RSBN1L: variants seen among roughly 807,000 people sequenced by gnomAD.
The protein encoded by RSBN1L is round spermatid basic protein 1 like.
RSBN1L carries 30 observed loss-of-function variants against 67.7 expected under a neutral mutation model. The ratio of observed to expected loss-of-function variants is 0.44; its 90% CI spans 0.33 to 0.60. RSBN1L has a LOEUF of 0.60. RSBN1L is among the 20% of genes least tolerant of loss of function. The probability of loss-of-function intolerance (pLI) is 0.02; values close to 1 mark genes in which losing one functional copy is unlikely to be tolerated. For missense variants in RSBN1L, 992 were observed against 1,031.7 expected (o/e 0.96, Z 0.53); for synonymous variants, 433 against 387.0 (o/e 1.12, Z -1.39).
At position 77,773,172 on chromosome 7, in the gene RSBN1L, C is replaced by G; in HGVS notation, c.1651C>G (p.Gln551Glu). The change falls in exon 6 of 8, where the codon CAG (glutamine) becomes GAG (glutamate). Residue 551 changes from glutamine (Q) to glutamate (E), a missense_variant. Coordinates refer to ENST00000334955, the MANE Select transcript of RSBN1L (RefSeq NM_198467.3). Reference sequence around the variant, plus strand: ...AACTACCAATGAAATAAAAAATCTTCAGTACCTACCTCGAACAAGTGAGCC... The same window carrying G: ...AACTACCAATGAAATAAAAAATCTTGAGTACCTACCTCGAACAAGTGAGCC... ...KRTTNEIKNL[Q>E]YLPRTSEPRE... The G allele has an allele frequency of 6.3e-7, 1 of 1,595,826 alleles. No individual in the cohort carries two copies. The highest frequency in any genetic ancestry group is 8.5e-7 in the Non-Finnish European group (1 of 1,174,164).
chr7:77,769,558 C>G (rs1435875495), intron 5 of RSBN1L, among the ~76,000 whole-genome samples: 1 of 152,136 alleles, frequency 6.6e-6, no homozygotes. Flanking sequence ...CTGGAGGAGA[C>G]CTTCCTAAGC....
chr7:77,760,970 T>G (rs1370362783), intron 3 of RSBN1L, among the ~76,000 whole-genome samples: 1 of 152,230 alleles, frequency 6.6e-6, no homozygotes, highest in Non-Finnish European at 1.5e-5. Context: ...TTTTTCAGGT[T>G]AATTTTTTAA....
intron 1 of RSBN1L, among the ~76,000 whole-genome samples, chr7:77,706,080 G>A (rs867561142): frequency 7.3e-6 from 1 of 136,732 alleles, no homozygotes; most frequent in African/African-American, 2.7e-5. Context: ...TTTATTTAAT[G>A]TTTTTTTTTT....
intron 1 of RSBN1L, among the ~76,000 whole-genome samples, chr7:77,733,989 C>T (rs1169891905): frequency 3.9e-5 from 6 of 152,196 alleles, no homozygotes; most frequent in Non-Finnish European, 5.9e-5. Context: ...TAGCCGAGTG[C>T]GATGGCGTGT....
chr7:77,704,484 A>G (rs2150411622), intron 1 of RSBN1L, among the ~76,000 whole-genome samples: 3 of 152,356 alleles, frequency 2.0e-5, no homozygotes, highest in Middle Eastern at 6.8e-3. Context: ...TTTTAAATTA[A>G]TACAAAAGAA....
At chr7:77,708,451 G>A (rs924529961) in intron 1 of RSBN1L, among the ~76,000 whole-genome samples, 36 of 150,674 alleles carry the variant, frequency 2.4e-4, no homozygotes, top group Admixed American at 5.3e-4. Flanking sequence ...GCATGATCTC[G>A]GCTCACTGCA....
intron 2 of RSBN1L, among the ~76,000 whole-genome samples, chr7:77,744,705 A>G (rs1366708147): frequency 1.3e-5 from 2 of 152,098 alleles, no homozygotes; most frequent in African/African-American, 4.8e-5. Context: ...GGTGTGAGCC[A>G]CTGCGCCTGG....
chr7:77,760,076 T>C (rs1308691840), intron 3 of RSBN1L, among the ~76,000 whole-genome samples: 1 of 152,192 alleles, frequency 6.6e-6, no homozygotes, highest in Non-Finnish European at 1.5e-5. Flanking sequence ...GTTTTCGTAA[T>C]TACATAAGAG....
In RSBN1L at chr7:77,698,378, A is replaced by G. The variant is rs1005774047; in HGVS notation, c.586+1323A>G. Among the ~76,000 whole-genome samples, 7 of 152,248 alleles carry G rather than the reference A, an allele frequency of 4.6e-5. No homozygotes were observed. In the South Asian group the frequency reaches 1.2e-3, roughly 27 times the overall value. Reference sequence around the variant, plus strand: ...TAAAGCTATTTTGTTTTAACAATTTATATGTAAAATTTAGGAGATAAGTGC... The same window carrying G: ...TAAAGCTATTTTGTTTTAACAATTTGTATGTAAAATTTAGGAGATAAGTGC... On this transcript the variant is annotated intron_variant, in intron 1 of 7. Transcript: ENST00000334955.
At chr7:77,759,648 T>A (rs1199139127) in intron 3 of RSBN1L, 1 of 152,210 alleles carries the variant, frequency 6.6e-6, no homozygotes, top group Non-Finnish European at 1.5e-5. Context: ...TTGGCTCTAA[T>A]AATGATCCTG....
chr7:77,721,211 A>G (rs931624410), intron 1 of RSBN1L, among the ~76,000 whole-genome samples: 2 of 148,438 alleles, frequency 1.3e-5, no homozygotes, highest in Non-Finnish European at 3.0e-5. Context: ...GACACTGCTC[A>G]TTGTTGGTAA....
At position 77,778,461 on chromosome 7, in the gene RSBN1L, C is replaced by A; in HGVS notation, c.1902+15C>A. 1 of 1,597,408 alleles carries A rather than the reference C, an allele frequency of 6.3e-7. No individual in the cohort carries two copies. The highest frequency in any genetic ancestry group is 1.1e-5 in the South Asian group (1 of 88,594). ...CACTGTCCCAGGTATTTTTAATACA[C>A]TTACTGTCTTTGGTTTAGTTTTTAT... On this transcript the variant is annotated intron_variant, in intron 7 of 7. Coordinates refer to ENST00000334955, the MANE Select transcript of RSBN1L (RefSeq NM_198467.3).
At chr7:77,701,300 C>T (rs1042551423) in intron 1 of RSBN1L, among the ~76,000 whole-genome samples, 10 of 151,468 alleles carry the variant, frequency 6.6e-5, no homozygotes, top group Non-Finnish European at 1.0e-4. Context: ...AGTTGACATT[C>T]TGGGAATTTC....
At chr7:77,775,744 T>C (rs1383094721) in intron 6 of RSBN1L, among the ~76,000 whole-genome samples, 1 of 152,196 alleles carries the variant, frequency 6.6e-6, no homozygotes, top group African/African-American at 2.4e-5. Context: ...GATGAATTTT[T>C]ATATGTCCAC....
intron 1 of RSBN1L, among the ~76,000 whole-genome samples, chr7:77,698,976 A>G (rs1790777141): frequency 6.6e-6 from 1 of 152,194 alleles, no homozygotes; most frequent in African/African-American, 2.4e-5. Flanking sequence ...TTCTGTTTTA[A>G]CGAATTAAGA....
intron 1 of RSBN1L, among the ~76,000 whole-genome samples, chr7:77,708,120 G>T (rs1355560557): frequency 2.0e-5 from 3 of 152,138 alleles, no homozygotes; most frequent in African/African-American, 7.2e-5. Flanking sequence ...CGTACTTTGC[G>T]TTGTGAGACT....
chr7:77,765,537 A>G lies in RSBN1L; in HGVS notation c.1387A>G (p.Met463Val), dbSNP rs1354364621. 1 of 1,611,252 alleles carries G rather than the reference A, an allele frequency of 6.2e-7. No individual in the cohort carries two copies. Among genetic ancestry groups the G allele is most frequent in the Non-Finnish European group, 8.5e-7 (1 of 1,178,374 alleles). Reference sequence around the variant, plus strand: ...TCATGGTACTTACAGAGCTGGCCCAATGAGACAAATAAGCTTGGTGGGAGC... The same window carrying G: ...TCATGGTACTTACAGAGCTGGCCCAGTGAGACAAATAAGCTTGGTGGGAGC... ...YSHGTYRAGP[M>V]RQISLVGAVD... Residue 463 changes from methionine to valine, a missense_variant, in exon 4 of 8, where the codon ATG becomes GTG. Met to Val is a conservative substitution (Grantham distance 21). Around this residue, in one of 7 missense-constraint regions of RSBN1L, gnomAD observed 2 missense variants for 28.0 expected, o/e 0.07. Transcript: ENST00000334955.
Position 77,750,045 on chromosome 7 carries a change from T to C in RSBN1L, c.1325T>C (p.Met442Thr). The change falls in exon 3 of 8, where the codon ATG becomes ACG. Residue 442 changes from methionine (M) to threonine (T), a missense_variant. Coordinates refer to ENST00000334955, the MANE Select transcript of RSBN1L (RefSeq NM_198467.3). ...AAGAAAGATATAGAGACAACGACTA[T>C]GTCCAATTTTCATGCTCAGGTAAGA... ...LGKKDIETTT[M>T]SNFHAQVKRT... is the part of the protein sequence containing the mutation. 1 of 1,591,848 alleles carries C rather than the reference T, an allele frequency of 6.3e-7. No homozygotes were observed. Among genetic ancestry groups the C allele is most frequent in the Non-Finnish European group, 8.5e-7 (1 of 1,172,508 alleles).
intron 5 of RSBN1L, among the ~76,000 whole-genome samples, chr7:77,771,167 C>G (rs1251352495): frequency 6.6e-6 from 1 of 152,208 alleles, no homozygotes; most frequent in Non-Finnish European, 1.5e-5. Flanking sequence ...GTCTTGATCT[C>G]TTGATCTCGT....
Sources: gnomAD v4.1 joint callset for allele counts (sites outside exome capture counted in the v4.1 genomes callset) on GRCh38, gnomAD v4.1.1 for gene constraint, gnomAD v4.1.1 regional missense constraint, MANE v1.5 for transcripts, NCBI Gene and HGNC (gene_info 2026-07-23, HGNC 2026-07-21) for gene names.